WASF1: variants seen among roughly 807,000 people sequenced by gnomAD.
WASF1 encodes actin-binding protein WASF1.
In WASF1, 7 loss-of-function variants were observed where a neutral mutation model predicts 50.5. That is an observed-to-expected ratio of 0.14 (90% CI 0.08 to 0.26). WASF1 has a LOEUF of 0.26. Among genes scored for constraint, WASF1 ranks in the 10% least tolerant of loss-of-function variants. WASF1 has a pLI of 1.00. For synonymous variants in WASF1, 205 were observed against 244.0 expected, an observed-to-expected ratio of 0.84 and a Z score of 1.49; for missense variants, 470 against 694.7, an observed-to-expected ratio of 0.68 and a Z score of 3.64.
In WASF1 at chr6:110,178,602, T is replaced by A. The variant is rs115103398; in HGVS notation, c.-131A>T. The A allele has an allele frequency of 0.018, 2,780 of 152,658 alleles. 56 individuals are homozygous for A. The highest frequency in any genetic ancestry group is 0.023 in the Non-Finnish European group (1,545 of 67,996). The allele number at this position is 152,658 out of a possible 1,614,324, so 9.5% of individuals were successfully genotyped here. A position where few individuals can be genotyped will look rare whatever the true frequency, so the allele number is the denominator to read the frequency against. The stretch of plus-strand genomic sequence containing the variant: ...GAGTAAGTCGTATTTAAGTACCTAG[T>A]CTAGCTGGGGATCAATTAATTAATC... On this transcript the variant is annotated 5_prime_UTR_variant, in exon 2 of 11. Coordinates refer to ENST00000392589, the MANE Select transcript of WASF1 (RefSeq NM_003931.3).
chr6:110,130,478 TATG>T, intron 3 of WASF1, among the ~76,000 whole-genome samples: 1 of 152,352 alleles, frequency 6.6e-6, no homozygotes, highest in South Asian at 2.1e-4. Context: ...TATAGACTAA[TATG>T]ATACATATTA....
chr6:110,162,715 T>A (rs1475337519), intron 2 of WASF1, among the ~76,000 whole-genome samples: 4 of 151,500 alleles, frequency 2.6e-5, no homozygotes, highest in Non-Finnish European at 5.9e-5. Flanking sequence ...CCAATGCCCA[T>A]TCATTACTAA....
Position 110,101,939 on chromosome 6 carries a change from G to A in WASF1, c.1171C>T (p.Pro391Ser). The A allele has an allele frequency of 1.2e-6, 2 of 1,608,776 alleles. No individual in the cohort carries two copies. The highest frequency in any genetic ancestry group is 1.7e-6 in the Non-Finnish European group (2 of 1,177,516). Residue 391 changes from proline (P) to serine (S), a missense_variant, in exon 10 of 11, where the codon CCT (proline) becomes TCT (serine). This residue lies in a region of WASF1 where 294 missense variants were observed against 343.5 expected (regional missense o/e 0.86). Transcript: ENST00000392589. ...VLHPAPPPIA[P>S]PLVQPSPPVA... The stretch of plus-strand genomic sequence containing the variant: ...GGTGGAGAGGGCTGTACTAGAGGAG[G>A]TGCAATTGGAGGAGGAGCTGGGTGA...
At chr6:110,101,500 A>G (rs767773056) in intron 10 of WASF1, 88 bp downstream of exon 10, 43 of 1,494,672 alleles carry the variant, frequency 2.9e-5, no homozygotes, top group Non-Finnish European at 3.7e-5. Context: ...CTAAAATTTT[A>G]TAGATAAGGA....
intron 4 of WASF1, among the ~76,000 whole-genome samples, chr6:110,117,906 C>G (rs1046971145): frequency 3.3e-5 from 5 of 152,132 alleles, no homozygotes; most frequent in African/African-American, 1.2e-4. Flanking sequence ...TCATATCCAG[C>G]CAAACTAAGC....
intron 3 of WASF1, among the ~76,000 whole-genome samples, chr6:110,139,826 C>T (rs1026988203): frequency 1.3e-5 from 2 of 152,072 alleles, no homozygotes; most frequent in African/African-American, 4.8e-5. Flanking sequence ...TAACATTTAA[C>T]TTATAAATTA....
intron 3 of WASF1, among the ~76,000 whole-genome samples, chr6:110,148,345 T>C (rs952882912): frequency 2.6e-5 from 4 of 152,042 alleles, no homozygotes; most frequent in South Asian, 4.2e-4. Context: ...CCCCCGTGTA[T>C]TTCCTAGAAT....
chr6:110,158,687 T>G (rs932817222), intron 3 of WASF1, among the ~76,000 whole-genome samples: 1 of 151,960 alleles, frequency 6.6e-6, no homozygotes, highest in Non-Finnish European at 1.5e-5. Context: ...GTGACTTGTC[T>G]GAGTCAATGT....
intron 4 of WASF1, among the ~76,000 whole-genome samples, chr6:110,120,877 A>C (rs1774084296): frequency 1.3e-5 from 2 of 152,174 alleles, no homozygotes; most frequent in Admixed American, 6.5e-5. Context: ...CTCAGAAATA[A>C]CACCACACAT....
At chr6:110,114,588 G>A (rs1773711658) in intron 4 of WASF1, among the ~76,000 whole-genome samples, 1 of 152,066 alleles carries the variant, frequency 6.6e-6, no homozygotes, top group African/African-American at 2.4e-5. Context: ...GAGAAAAAGT[G>A]AAGTCCATAT....
Position 110,173,221 on chromosome 6 carries a change from A to T in WASF1, c.-127+5377T>A, listed in dbSNP as rs538691429. Among the ~76,000 whole-genome samples, 4 of 152,272 alleles carry T rather than the reference A, an allele frequency of 2.6e-5. No homozygotes were observed. The East Asian group carries it at 7.7e-4, about 29-fold the overall frequency. On this transcript the variant is annotated intron_variant, in intron 2 of 10. Transcript: ENST00000392589. ...AGCTTTTCTTCTTTTCAAATAAGTTAGTCAATGTAACTTTATTGGAGTAGA... is the reference window on the plus strand; with the variant it reads ...AGCTTTTCTTCTTTTCAAATAAGTTTGTCAATGTAACTTTATTGGAGTAGA...
chr6:110,147,882 G>A (rs1312849278), intron 3 of WASF1, among the ~76,000 whole-genome samples: 3 of 152,042 alleles, frequency 2.0e-5, no homozygotes, highest in Non-Finnish European at 4.4e-5. Flanking sequence ...CAAGTAGCTG[G>A]GACTACAGGG....
chr6:110,153,996 G>A (rs1775941115), intron 3 of WASF1, among the ~76,000 whole-genome samples: 1 of 152,068 alleles, frequency 6.6e-6, no homozygotes, highest in Non-Finnish European at 1.5e-5. Flanking sequence ...AAGAGTTGAG[G>A]ATACATTTGG....
chr6:110,134,098 G>A (rs938708480), intron 3 of WASF1, among the ~76,000 whole-genome samples: 3 of 151,930 alleles, frequency 2.0e-5, no homozygotes, highest in Admixed American at 6.6e-5. Context: ...TGTATTTTTA[G>A]TAGAGATGGG....
Position 110,101,830 on chromosome 6 carries a change from G to A in WASF1, c.1280C>T (p.Pro427Leu). Reference sequence around the variant, plus strand: ...AGGTGGAGGCAGAGGAGGCGGTGGTGGGGGTGGAGGCAGCCCCTGAACTTC... The same window carrying A: ...AGGTGGAGGCAGAGGAGGCGGTGGTAGGGGTGGAGGCAGCCCCTGAACTTC... The part of the protein sequence containing the change: ...QGEVQGLPPP[P>L]PPPPLPPPGI... The change falls in exon 10 of 11, where the codon CCA becomes CTA. Residue 427 changes from proline (P) to leucine (L), a missense_variant. This residue lies in a region of WASF1 where 294 missense variants were observed against 343.5 expected (regional missense o/e 0.86). Coordinates refer to ENST00000392589, the MANE Select transcript of WASF1 (RefSeq NM_003931.3). The A allele has an allele frequency of 6.2e-7, 1 of 1,614,106 alleles. No homozygotes were observed. The highest frequency in any genetic ancestry group is 8.5e-7 in the Non-Finnish European group (1 of 1,180,002).
intron 3 of WASF1, among the ~76,000 whole-genome samples, chr6:110,131,279 T>A (rs1323454004): frequency 6.6e-6 from 1 of 152,208 alleles, no homozygotes; most frequent in Non-Finnish European, 1.5e-5. Context: ...CTTAGCTTTG[T>A]TTTTTCTTAT....
intron 2 of WASF1, chr6:110,177,261 AC>A (rs2114634227): frequency 6.6e-6 from 1 of 152,174 alleles, no homozygotes; most frequent in South Asian, 2.1e-4. Context: ...TCAATATTCT[AC>A]TTATTATCAA....
chr6:110,149,380 G>T (rs940429618), intron 3 of WASF1, among the ~76,000 whole-genome samples: 1 of 151,294 alleles, frequency 6.6e-6, no homozygotes, highest in Admixed American at 6.6e-5. Context: ...GAGAGCCAGG[G>T]TAAACACAAT....
At chr6:110,100,723 G>A in intron 10 of WASF1, 44 bp from the exon 11 acceptor site, 1 of 1,472,268 alleles carries the variant, frequency 6.8e-7, no homozygotes, top group Non-Finnish European at 9.1e-7. Context: ...CAAAATACTA[G>A]ATACTAGATA....
Sources: gnomAD v4.1 joint callset for allele counts (sites outside exome capture counted in the v4.1 genomes callset) on GRCh38, gnomAD v4.1.1 for gene constraint, gnomAD v4.1.1 regional missense constraint, MANE v1.5 for transcripts, NCBI Gene and HGNC (gene_info 2026-07-23, HGNC 2026-07-21) for gene names.